The following KCNQ5 variants were observed in gnomAD, a reference collection of about 807,000 sequenced individuals.
KCNQ5 encodes the protein potassium voltage-gated channel subfamily KQT member 5.
In KCNQ5, 30 loss-of-function variants were observed where a neutral mutation model predicts 98.2. That is an observed-to-expected ratio of 0.31 (90% CI 0.23 to 0.41). The LOEUF is 0.41. Among genes scored for constraint, KCNQ5 ranks in the 10% least tolerant of loss-of-function variants. KCNQ5 has a pLI of 1.00. For synonymous variants in KCNQ5, 458 were observed against 449.4 expected, an observed-to-expected ratio of 1.02 and a Z score of -0.24; for missense variants, 835 against 1,182.5, an observed-to-expected ratio of 0.71 and a Z score of 4.31.
At chr6:73,053,523 AT>A (rs901196172) in intron 3 of KCNQ5, among the ~76,000 whole-genome samples, 5 of 152,314 alleles carry the variant, frequency 3.3e-5, no homozygotes, top group African/African-American at 1.2e-4. Context: ...ATAAAAAAAA[AT>A]CATACCAACC....
chr6:73,077,846 A>G lies in KCNQ5; in HGVS notation c.877A>G (p.Lys293Glu). Reference protein sequence around the residue: ...LVYLVEKDANKEFSTYADALW... With the variant: ...LVYLVEKDANEEFSTYADALW... ...CTATCTGGTGGAAAAGGATGCCAATAAAGAGTTTTCTACATATGCAGATGC... is the reference window on the plus strand; with the variant it reads ...CTATCTGGTGGAAAAGGATGCCAATGAAGAGTTTTCTACATATGCAGATGC... Residue 293 changes from lysine to glutamate, a missense_variant, in exon 5 of 14, where the codon AAA becomes GAA. Transcript: ENST00000370398. 6.2e-7 allele frequency: 1 copy of G among 1,612,812 alleles called. No individual in the cohort carries two copies. Among genetic ancestry groups the G allele is most frequent in the Non-Finnish European group, 8.5e-7 (1 of 1,179,170 alleles).
chr6:73,186,054 C>T (rs1017348933), intron 11 of KCNQ5, among the ~76,000 whole-genome samples: 27 of 151,562 alleles, frequency 1.8e-4, no homozygotes, highest in African/African-American at 6.1e-4. Context: ...GGGAGACCCC[C>T]CCTATCTCTG....
At chr6:73,042,956 T>C (rs1438717425) in intron 3 of KCNQ5, 3 of 172,226 alleles carry the variant, frequency 1.7e-5, no homozygotes, top group Non-Finnish European at 4.3e-5. Context: ...TGAAAATTCT[T>C]GATGAGGCTT....
At chr6:72,639,366 A>C (rs1320105166) in intron 1 of KCNQ5, among the ~76,000 whole-genome samples, 1 of 152,186 alleles carries the variant, frequency 6.6e-6, no homozygotes, top group Non-Finnish European at 1.5e-5. Context: ...CCTAGAAGAA[A>C]ACTTTGCCAT....
intron 1 of KCNQ5, among the ~76,000 whole-genome samples, chr6:73,001,413 G>A (rs77740483): frequency 1.3e-5 from 2 of 152,144 alleles, no homozygotes; most frequent in South Asian, 4.1e-4. Flanking sequence ...TGTACCAAAG[G>A]CTACCAGCTG....
intron 1 of KCNQ5, among the ~76,000 whole-genome samples, chr6:72,666,256 C>T (rs1200542626): frequency 6.6e-6 from 1 of 152,074 alleles, no homozygotes; most frequent in East Asian, 1.9e-4. Context: ...TTAAAAAGGA[C>T]TTTAATGTTA....
intron 9 of KCNQ5, among the ~76,000 whole-genome samples, chr6:73,132,327 G>A (rs1295440917): frequency 6.6e-6 from 1 of 152,026 alleles, no homozygotes; most frequent in Non-Finnish European, 1.5e-5. Context: ...GCCCTGCAGA[G>A]TCCTGGGCCT....
At chr6:73,009,381 A>G (rs1471750393) in intron 2 of KCNQ5, among the ~76,000 whole-genome samples, 2 of 152,146 alleles carry the variant, frequency 1.3e-5, no homozygotes, top group East Asian at 3.9e-4. Flanking sequence ...AACCTATGGG[A>G]CACAGTGAAA....
intron 1 of KCNQ5, among the ~76,000 whole-genome samples, chr6:72,712,952 C>T (rs866937113): frequency 3.3e-5 from 5 of 152,240 alleles, no homozygotes; most frequent in South Asian, 2.1e-4. Context: ...AGATAATCTA[C>T]GTGGCAACAA....
intron 1 of KCNQ5, among the ~76,000 whole-genome samples, chr6:72,882,357 A>G (rs543070071): frequency 6.6e-6 from 1 of 152,346 alleles, no homozygotes; most frequent in Non-Finnish European, 1.5e-5. Context: ...TCTAAGATTC[A>G]TTTGCATAAT....
chr6:73,044,776 T>TA (rs763619610), intron 3 of KCNQ5, among the ~76,000 whole-genome samples: 5 of 152,210 alleles, frequency 3.3e-5, no homozygotes, highest in Non-Finnish European at 5.9e-5. Flanking sequence ...TAGCATCTCT[T>TA]ATCTGTCCCT....
intron 3 of KCNQ5, among the ~76,000 whole-genome samples, chr6:73,068,670 A>G (rs1773173258): frequency 6.6e-6 from 1 of 152,222 alleles, no homozygotes; most frequent in African/African-American, 2.4e-5. Flanking sequence ...ACTGAGGCAC[A>G]TGAGCACCAC....
intron 1 of KCNQ5, among the ~76,000 whole-genome samples, chr6:72,846,376 C>T (rs1186541399): frequency 2.0e-5 from 3 of 152,076 alleles, no homozygotes; most frequent in Non-Finnish European, 4.4e-5. Flanking sequence ...CATAGTCTCA[C>T]CACTCTTCTT....
At chr6:73,161,730 TA>T (rs955295152) in intron 10 of KCNQ5, among the ~76,000 whole-genome samples, 1 of 152,184 alleles carries the variant, frequency 6.6e-6, no homozygotes, top group African/African-American at 2.4e-5. Context: ...AATTTGATGG[TA>T]AAATTTCATA....
chr6:72,851,240 G>T (rs2150142392), intron 1 of KCNQ5, among the ~76,000 whole-genome samples: 2 of 152,270 alleles, frequency 1.3e-5, no homozygotes, highest in South Asian at 4.1e-4. Context: ...TTTGTAAGCT[G>T]CTGAAAATCC....
At chr6:73,105,501 CTTTT>C in intron 6 of KCNQ5, 134 bp downstream of exon 6, 1 of 469,676 alleles carries the variant, frequency 2.1e-6, no homozygotes, top group East Asian at 3.3e-5. Flanking sequence ...ATAATGTTGA[CTTTT>C]CTAAATATAT....
intron 5 of KCNQ5, among the ~76,000 whole-genome samples, chr6:73,084,765 AC>A (rs1374922851): frequency 1.3e-5 from 2 of 152,212 alleles, no homozygotes; most frequent in Non-Finnish European, 2.9e-5. Flanking sequence ...ATTCTGAAGA[AC>A]GGGTGCCCTT....
intron 10 of KCNQ5, among the ~76,000 whole-genome samples, chr6:73,157,176 T>G (rs1582459711): frequency 6.6e-6 from 1 of 152,240 alleles, no homozygotes; most frequent in Admixed American, 6.5e-5. Context: ...ACGCCTCGTT[T>G]CCTCGAGCGG....
chr6:73,047,008 C>CAAGA lies in KCNQ5; in HGVS notation c.616+4947_616+4950dup, dbSNP rs1771997268. Among the ~76,000 whole-genome samples, 7 of 152,214 alleles carry CAAGA rather than the reference C, an allele frequency of 4.6e-5. No individual in the cohort carries two copies. In the South Asian group the frequency reaches 1.5e-3, roughly 32 times the overall value. On this transcript the variant is annotated intron_variant, in intron 3 of 13. Coordinates refer to ENST00000370398, the MANE Select transcript of KCNQ5 (RefSeq NM_019842.4). Reference sequence around the variant, plus strand: ...ACTGAAGACTTTATAGATGAGGAAGCAAGACAAACTTAAAAAGATGATAGG... The same window carrying CAAGA: ...ACTGAAGACTTTATAGATGAGGAAGCAAGAAAGACAAACTTAAAAAGATGATAGG...
Sources: allele counts gnomAD v4.1 joint callset (sites outside exome capture counted in the v4.1 genomes callset), GRCh38; gene constraint gnomAD v4.1.1; transcripts MANE v1.5; gene names NCBI Gene and HGNC (gene_info 2026-07-23, HGNC 2026-07-21).